LRRK1: variants seen among roughly 807,000 people sequenced by gnomAD.
LRRK1 encodes the protein leucine-rich repeat serine/threonine-protein kinase 1.
A neutral mutation model predicts 209.1 loss-of-function variants in LRRK1; 113 were observed. That is an observed-to-expected ratio of 0.54 (90% CI 0.46 to 0.63). The LOEUF (loss-of-function observed/expected upper bound fraction) is 0.63, where lower values mean the gene tolerates loss of function less well. Among genes scored for constraint, LRRK1 ranks in the 30% least tolerant of loss-of-function variants. LRRK1 has a pLI of 0.00. For synonymous variants in LRRK1, 1,144 were observed against 1,099.7 expected (o/e 1.04, Z -0.80); for missense variants, 2,284 against 2,632.2 (o/e 0.87, Z 2.89).
intron 2 of LRRK1, among the ~76,000 whole-genome samples, chr15:100,925,047 T>G (rs982262246): frequency 2.6e-5 from 4 of 152,096 alleles, no homozygotes; most frequent in African/African-American, 9.7e-5. Flanking sequence ...AAGGAAAAAT[T>G]GAAAAAAATA....
intron 12 of LRRK1, among the ~76,000 whole-genome samples, chr15:101,020,361 G>A (rs1389682396): frequency 6.8e-6 from 1 of 146,140 alleles, no homozygotes; most frequent in Non-Finnish European, 1.5e-5. Flanking sequence ...TAGATATCCG[G>A]TTCTGAACTT....
rs1351433876 is a variant in LRRK1, at chr15:101,027,583, C to G, written c.2527-55C>G. The G allele has an allele frequency of 6.3e-7, 1 of 1,584,756 alleles. No homozygotes were observed. Among genetic ancestry groups the G allele is most frequent in the Non-Finnish European group, 8.6e-7 (1 of 1,166,030 alleles). Reference sequence around the variant, plus strand: ...AGGGGCCGGGCAGGATCTGCCCAAGCTGGCAGGTGTGCCTTGGGACCTGAG... The same window carrying G: ...AGGGGCCGGGCAGGATCTGCCCAAGGTGGCAGGTGTGCCTTGGGACCTGAG... On this transcript the variant is annotated intron_variant, in intron 18 of 33. Coordinates refer to ENST00000388948, the MANE Select transcript of LRRK1 (RefSeq NM_024652.6). The surrounding 1 kb of genome is among the most constrained non-coding windows in gnomAD (Gnocchi z 5.1).
chr15:101,037,306 T>C (rs1404111271), intron 20 of LRRK1, among the ~76,000 whole-genome samples: 1 of 152,086 alleles, frequency 6.6e-6, no homozygotes, highest in African/African-American at 2.4e-5. Context: ...GTACCAGCTG[T>C]AGTGGTAACA....
Position 101,020,332 on chromosome 15 carries a change from G to C in LRRK1, c.1610-721G>C, listed in dbSNP as rs148464326. 6.4e-3 allele frequency among the ~76,000 whole-genome samples: 956 copies of C among 148,444 alleles called. 6 individuals carry two copies. The highest frequency in any genetic ancestry group is 0.01 in the Non-Finnish European group (687 of 67,518). ...GCATGCATGTGTGCACACATTTTCT[G>C]CTACACTAATAAGCCTTCTAGATAT... is the stretch of plus-strand genomic sequence containing the variant. On this transcript the variant is annotated intron_variant, in intron 12 of 33. Coordinates refer to ENST00000388948, the MANE Select transcript of LRRK1 (RefSeq NM_024652.6).
intron 2 of LRRK1, among the ~76,000 whole-genome samples, chr15:100,957,893 T>C (rs1243070267): frequency 6.6e-6 from 1 of 152,192 alleles, no homozygotes; most frequent in Non-Finnish European, 1.5e-5. Context: ...TGAGACGGAG[T>C]CTCACTCTGT....
chr15:100,991,032 GAGGTGGCT>G (rs1424630889), intron 6 of LRRK1, among the ~76,000 whole-genome samples: 1 of 152,148 alleles, frequency 6.6e-6, no homozygotes, highest in East Asian at 1.9e-4. Flanking sequence ...GCAGAGGGTG[GAGGTGGCT>G]AGCTTTTATC....
At chr15:100,966,831 C>T (rs1014460853) in intron 2 of LRRK1, among the ~76,000 whole-genome samples, 4 of 152,210 alleles carry the variant, frequency 2.6e-5, no homozygotes, top group African/African-American at 7.2e-5. Flanking sequence ...ACTCCACACA[C>T]AAGGCATGAT....
chr15:101,065,688 G>T lies in LRRK1; in HGVS notation c.5251G>T (p.Val1751Phe). ...CSSEGRGEEV[V>F]WCLDDKANSL... is the part of the protein sequence containing the mutation. Reference sequence around the variant, plus strand: ...CTCTGAGGGCAGAGGGGAGGAGGTCGTCTGGTGCCTGGATGACAAGGCCAA... The same window carrying T: ...CTCTGAGGGCAGAGGGGAGGAGGTCTTCTGGTGCCTGGATGACAAGGCCAA... The change falls in exon 32 of 34, where the codon GTC becomes TTC. Residue 1751 changes from valine to phenylalanine, a missense_variant. Physicochemically the swap from Val to Phe is conservative, Grantham distance 50. Transcript: ENST00000388948. 6.2e-7 allele frequency: 1 copy of T among 1,614,074 alleles called. No individual in the cohort carries two copies. Among genetic ancestry groups the T allele is most frequent in the Non-Finnish European group, 8.5e-7 (1 of 1,180,012 alleles).
chr15:101,064,084 A>G (rs1442097552), intron 31 of LRRK1, among the ~76,000 whole-genome samples: 1 of 152,206 alleles, frequency 6.6e-6, no homozygotes, highest in African/African-American at 2.4e-5. Flanking sequence ...TTGCACGCGC[A>G]CCCACGTTCA....
At chr15:101,053,529 C>T (rs1567272539) in intron 26 of LRRK1, 109 bp downstream of exon 26, 7 of 956,430 alleles carry the variant, frequency 7.3e-6, no homozygotes, top group Middle Eastern at 3.2e-4. Flanking sequence ...GCCCAGGGCA[C>T]GCCCAACCCA....
chr15:100,930,270 C>T (rs1199944414), intron 2 of LRRK1, among the ~76,000 whole-genome samples: 1 of 152,190 alleles, frequency 6.6e-6, no homozygotes. Context: ...GCTGAGTAAG[C>T]CATCCCACGG....
chr15:100,961,376 T>C (rs546729029), intron 2 of LRRK1, among the ~76,000 whole-genome samples: 60 of 152,218 alleles, frequency 3.9e-4, no homozygotes, highest in African/African-American at 1.4e-3. Flanking sequence ...AGTTGGTGGC[T>C]GGGCGCGGTG....
At chr15:100,955,858 A>G (rs2042744023) in intron 2 of LRRK1, among the ~76,000 whole-genome samples, 1 of 152,000 alleles carries the variant, frequency 6.6e-6, no homozygotes, top group African/African-American at 2.4e-5. Context: ...ATGGTGTATG[A>G]TTTTTTTAAT....
At chr15:100,968,048 T>A (rs1698593133) in intron 2 of LRRK1, among the ~76,000 whole-genome samples, 1 of 152,244 alleles carries the variant, frequency 6.6e-6, no homozygotes, top group Non-Finnish European at 1.5e-5. Flanking sequence ...GAAAACTCAC[T>A]GTCTACCATA....
intron 31 of LRRK1, chr15:101,064,794 G>C (rs1029763869): frequency 3.8e-5 from 6 of 157,944 alleles, no homozygotes; most frequent in African/African-American, 1.5e-4. Context: ...AGATGAAGGA[G>C]ACTGAGCCCT....
At chr15:101,009,793 G>C (rs2033147985) in intron 7 of LRRK1, among the ~76,000 whole-genome samples, 1 of 152,000 alleles carries the variant, frequency 6.6e-6, no homozygotes, top group Non-Finnish European at 1.5e-5. Flanking sequence ...TCACCGTGTT[G>C]GCCAGGATGG....
At chr15:101,062,534 T>A in intron 30 of LRRK1, 40 bp from the exon 31 acceptor site, 3 of 1,404,682 alleles carry the variant, frequency 2.1e-6, no homozygotes, top group Non-Finnish European at 3.0e-6. Flanking sequence ...CCAGACACTT[T>A]CCAGCCTGGG....
intron 29 of LRRK1, among the ~76,000 whole-genome samples, chr15:101,058,621 G>GGGGGT (rs2035962555): frequency 6.7e-6 from 1 of 148,688 alleles, no homozygotes; most frequent in Non-Finnish European, 1.5e-5. Flanking sequence ...GGGCAACGGG[G>GGGGGT]GGGGGCGTCT....
intron 2 of LRRK1, among the ~76,000 whole-genome samples, chr15:100,947,438 T>TATTTTCCATTAC (rs1174887922): frequency 6.6e-6 from 1 of 152,216 alleles, no homozygotes; most frequent in East Asian, 1.9e-4. Flanking sequence ...TCAGAAAGTT[T>TATTTTCCATTAC]GGTATTATTT....
Sources: allele counts gnomAD v4.1 joint callset (sites outside exome capture counted in the v4.1 genomes callset), GRCh38; gene constraint gnomAD v4.1.1; non-coding constraint Gnocchi (gnomAD v3.1); transcripts MANE v1.5; gene names NCBI Gene and HGNC (gene_info 2026-07-23, HGNC 2026-07-21).